DNAH6: variants seen among roughly 807,000 people sequenced by gnomAD.
DNAH6 encodes the protein axonemal beta dynein heavy chain 6.
DNAH6 carries 340 observed loss-of-function variants against 491.4 expected under a neutral mutation model. The ratio of observed to expected loss-of-function variants is 0.69; its 90% CI spans 0.63 to 0.76. The LOEUF (loss-of-function observed/expected upper bound fraction) is 0.76. DNAH6 is among the 30% of genes least tolerant of loss of function. The probability of loss-of-function intolerance (pLI) is 0.00; values close to 1 mark genes in which losing one functional copy is unlikely to be tolerated. For synonymous variants in DNAH6, 1,603 were observed against 1,686.1 expected (o/e 0.95, Z 1.21); for missense variants, 4,443 against 4,972.2 (o/e 0.89, Z 3.20).
chr2:84,697,624 GTGA>G lies in DNAH6; in HGVS notation c.7575_7577del (p.Glu2526del). 1 of 1,551,988 alleles carries G rather than the reference GTGA, an allele frequency of 6.4e-7. No homozygotes were observed. The highest frequency in any genetic ancestry group is 1.2e-5 in the South Asian group (1 of 84,054). On this transcript the variant is annotated inframe_deletion, in exon 47 of 77. Transcript: ENST00000389394. ...GATATAAATAACATCCTGAACTCAG[GTGA>G]AGTGCCTAATTTATTTGAAAAGGAT...
At chr2:84,686,778 A>G (rs1694297993) in intron 44 of DNAH6, among the ~76,000 whole-genome samples, 1 of 152,218 alleles carries the variant, frequency 6.6e-6, no homozygotes, top group Admixed American at 6.5e-5. Flanking sequence ...TATGATTTTT[A>G]TATGGTTGCT....
chr2:84,805,567 A>C, intron 70 of DNAH6, 98 bp from the exon 71 acceptor site: 3 of 1,096,252 alleles, frequency 2.7e-6, no homozygotes, highest in Non-Finnish European at 3.8e-6. Flanking sequence ...ATATGGTTTT[A>C]GAGAACTGCC....
At chr2:84,641,381 A>G (rs780543159) in intron 32 of DNAH6, among the ~76,000 whole-genome samples, 22 of 152,112 alleles carry the variant, frequency 1.4e-4, no homozygotes, top group Admixed American at 3.9e-4. Context: ...TGGCCATTTA[A>G]GGACTAGGAA....
chr2:84,590,697 C>T (rs182790045), intron 16 of DNAH6, among the ~76,000 whole-genome samples: 2 of 152,104 alleles, frequency 1.3e-5, no homozygotes, highest in Admixed American at 6.5e-5. Context: ...CTCTTGCACC[C>T]TGGGCAAGTA....
intron 62 of DNAH6, among the ~76,000 whole-genome samples, chr2:84,742,019 C>G (rs1471981738): frequency 6.6e-6 from 1 of 152,200 alleles, no homozygotes; most frequent in African/African-American, 2.4e-5. Flanking sequence ...CCTCTCCTTA[C>G]TTACTTCTGG....
chr2:84,721,295 G>A (rs1424355919), intron 59 of DNAH6, among the ~76,000 whole-genome samples: 1 of 151,564 alleles, frequency 6.6e-6, no homozygotes, highest in Non-Finnish European at 1.5e-5. Flanking sequence ...CTTTAGTTGA[G>A]TCCCATATTA....
At chr2:84,572,428 G>C (rs933213960) in intron 11 of DNAH6, among the ~76,000 whole-genome samples, 1 of 151,978 alleles carries the variant, frequency 6.6e-6, no homozygotes, top group South Asian at 2.1e-4. Flanking sequence ...GCCTTATATT[G>C]TTTCTAGCAC....
intron 45 of DNAH6, among the ~76,000 whole-genome samples, chr2:84,693,770 A>G (rs1695110714): frequency 6.6e-6 from 1 of 151,802 alleles, no homozygotes. Flanking sequence ...AACATGAATC[A>G]GAAACTTTCT....
the DNAH6 span, among the ~76,000 whole-genome samples, chr2:84,508,298 G>A: frequency 6.6e-6 from 1 of 152,230 alleles, no homozygotes; most frequent in African/African-American, 2.4e-5. Context: ...AGTCTTGGGA[G>A]AGTGTATGTG....
rs769667372 is a variant in DNAH6 at position 84,588,834 on chromosome 2, G to T, written c.2490G>T (p.Gln830His). The change falls in exon 16 of 77, where the codon CAG becomes CAT. Residue 830 changes from glutamine to histidine, a missense_variant. Gln to His is a conservative substitution (Grantham distance 24, BLOSUM62 0). This residue lies in a region of DNAH6 where 2,977 missense variants were observed against 3,296.6 expected (regional missense o/e 0.90). Coordinates refer to ENST00000389394, the MANE Select transcript of DNAH6 (RefSeq NM_001370.2). Reference sequence around the variant, plus strand: ...CTGTCTTAAATTTATAGGATCCACAGATTTTAGATATCTCTGCTGACCAAG... The same window carrying T: ...CTGTCTTAAATTTATAGGATCCACATATTTTAGATATCTCTGCTGACCAAG... ...NEVKLQAQDP[Q>H]ILDISADQDK... The T allele has an allele frequency of 4.5e-6, 7 of 1,539,382 alleles. No individual in the cohort carries two copies. The highest frequency in any genetic ancestry group is 1.4e-5 in the African/African-American group (1 of 72,234).
At chr2:84,582,421 C>T (rs777132628) in intron 14 of DNAH6, among the ~76,000 whole-genome samples, 1 of 152,168 alleles carries the variant, frequency 6.6e-6, no homozygotes, top group Non-Finnish European at 1.5e-5. Context: ...GAATCAGACA[C>T]TCTCGGGAGG....
chr2:84,611,929 A>G (rs1686380221), intron 22 of DNAH6, 75 bp downstream of exon 22: 2 of 1,319,364 alleles, frequency 1.5e-6, no homozygotes, highest in South Asian at 1.5e-5. Context: ...CCAGACTAAA[A>G]TGTTTCTCTG....
the DNAH6 span, among the ~76,000 whole-genome samples, chr2:84,508,035 G>C: frequency 1.3e-5 from 2 of 151,960 alleles, no homozygotes; most frequent in South Asian, 4.1e-4. Flanking sequence ...TCTCTTTTTT[G>C]GTTGTGTCTC....
At chr2:84,544,544 AAAG>A (rs1325135404) in intron 5 of DNAH6, 44 bp downstream of exon 5, 2 of 1,135,016 alleles carry the variant, frequency 1.8e-6, no homozygotes, top group Non-Finnish European at 2.5e-6. Context: ...ACTTACAAAA[AAAG>A]AAAGTGTGAA....
At chr2:84,684,218 T>A (rs1333495418) in intron 42 of DNAH6, among the ~76,000 whole-genome samples, 1 of 152,200 alleles carries the variant, frequency 6.6e-6, no homozygotes, top group Non-Finnish European at 1.5e-5. Context: ...CTAGAAAACA[T>A]TAGAATATGA....
chr2:84,615,774 G>A (rs2104368349), intron 22 of DNAH6, among the ~76,000 whole-genome samples: 1 of 147,560 alleles, frequency 6.8e-6, no homozygotes, highest in African/African-American at 2.6e-5. Flanking sequence ...ATATTTCTAA[G>A]TATTTTTTTT....
intron 18 of DNAH6, among the ~76,000 whole-genome samples, chr2:84,597,625 T>C (rs1427469961): frequency 6.6e-6 from 1 of 152,156 alleles, no homozygotes; most frequent in Non-Finnish European, 1.5e-5. Flanking sequence ...GCCAAGATAA[T>C]TGAAAACGTG....
chr2:84,562,220 G>A (rs565852276), intron 11 of DNAH6, among the ~76,000 whole-genome samples: 1 of 152,052 alleles, frequency 6.6e-6, no homozygotes, highest in East Asian at 1.9e-4. Flanking sequence ...AGTGACTAAT[G>A]GTATTTTTAA....
chr2:84,518,116 G>C, intron 2 of DNAH6, 65 bp downstream of exon 2: 2 of 1,260,726 alleles, frequency 1.6e-6, no homozygotes, highest in Non-Finnish European at 2.2e-6. Flanking sequence ...TTGCTTTGGA[G>C]GATAGAAGTC....
Sources: gnomAD v4.1 joint callset for allele counts (sites outside exome capture counted in the v4.1 genomes callset) on GRCh38, gnomAD v4.1.1 for gene constraint, gnomAD v4.1.1 regional missense constraint, MANE v1.5 for transcripts, NCBI Gene and HGNC (gene_info 2026-07-23, HGNC 2026-07-21) for gene names.